The following PTPN4 variants were observed in gnomAD, a reference collection of about 807,000 sequenced individuals.
PTPN4 encodes protein tyrosine phosphatase non-receptor type 4, also known as tyrosine-protein phosphatase non-receptor type 4.
Under a neutral mutation model 135.5 loss-of-function variants are expected in PTPN4, and 49 were observed. The ratio of observed to expected loss-of-function variants is 0.36; its 90% confidence interval spans 0.29 to 0.46. The LOEUF (loss-of-function observed/expected upper bound fraction) is 0.46, where lower values mean the gene tolerates loss of function less well. PTPN4 is among the 20% of genes least tolerant of loss of function. The pLI, the probability that PTPN4 is intolerant of heterozygous loss-of-function variation, is 1.00. For missense variants in PTPN4, 860 were observed against 1,101.0 expected (o/e 0.78, Z 3.10); for synonymous variants, 333 against 369.9 (o/e 0.90, Z 1.14).
chr2:119,875,432 A>G (rs1677970263), intron 3 of PTPN4, among the ~76,000 whole-genome samples: 1 of 152,206 alleles, frequency 6.6e-6, no homozygotes, highest in Admixed American at 6.5e-5. Flanking sequence ...ACAAGCTTTC[A>G]ATAGATTAAT....
intron 19 of PTPN4, among the ~76,000 whole-genome samples, chr2:119,953,775 C>A (rs1490473227): frequency 6.6e-6 from 1 of 152,104 alleles, no homozygotes; most frequent in African/African-American, 2.4e-5. Context: ...CATTCTAGAG[C>A]TGAAGATACT....
Position 119,915,414 on chromosome 2 carries a change from T to C in PTPN4, c.828+172T>C, listed in dbSNP as rs545463493. 1.8e-5 allele frequency: 8 copies of C among 448,820 alleles called. No individual in the cohort carries two copies. The Admixed American group carries it at 3.4e-4, about 19-fold the overall frequency. 27.8% of individuals were successfully genotyped at this position (448,820 alleles called of 1,614,324 possible). ...TAACAAAATGTACTTGTTTTTCCAG[T>C]GTGTATGTGGTTCTAATTTAAAGTT... On this transcript the variant is annotated intron_variant, in intron 11 of 26. Coordinates refer to ENST00000263708, the MANE Select transcript of PTPN4 (RefSeq NM_002830.4).
chr2:119,975,803 A>G (rs1679607022), intron 26 of PTPN4, among the ~76,000 whole-genome samples: 1 of 152,030 alleles, frequency 6.6e-6, no homozygotes, highest in African/African-American at 2.4e-5. Flanking sequence ...GTTTTATGAT[A>G]TTGTCAATGC....
chr2:119,975,934 T>C (rs1679608770), intron 26 of PTPN4, among the ~76,000 whole-genome samples: 1 of 151,832 alleles, frequency 6.6e-6, no homozygotes, highest in African/African-American at 2.4e-5. Context: ...CCTGCTCCCA[T>C]TTCCCTCCAT....
chr2:119,887,594 T>G (rs1256341402), intron 9 of PTPN4, among the ~76,000 whole-genome samples: 1 of 152,260 alleles, frequency 6.6e-6, no homozygotes, highest in Admixed American at 6.5e-5. Context: ...CCTCTGTATG[T>G]GGCTATCTGA....
intron 1 of PTPN4, among the ~76,000 whole-genome samples, chr2:119,789,542 GT>G (rs1691103872): frequency 6.6e-6 from 1 of 152,068 alleles, no homozygotes; most frequent in Non-Finnish European, 1.5e-5. Flanking sequence ...TCTTCTAAGA[GT>G]TGTGTATGCA....
chr2:119,896,948 T>C (rs543042774), intron 9 of PTPN4, among the ~76,000 whole-genome samples: 9 of 152,252 alleles, frequency 5.9e-5, no homozygotes, highest in African/African-American at 1.9e-4. Flanking sequence ...TGAAACAGGG[T>C]CTCACTCTGT....
intron 10 of PTPN4, among the ~76,000 whole-genome samples, chr2:119,901,787 T>C (rs916720504): frequency 2.6e-5 from 4 of 152,112 alleles, no homozygotes; most frequent in Non-Finnish European, 4.4e-5. Flanking sequence ...GGAAACCTTA[T>C]GAGAAAGAAT....
intron 22 of PTPN4, 116 bp from the exon 23 acceptor site, chr2:119,960,691 G>A (rs1329564325): frequency 1.8e-5 from 15 of 846,016 alleles, no homozygotes; most frequent in African/African-American, 1.1e-4. Flanking sequence ...TTTTACTGAC[G>A]GCAGTTTATT....
At chr2:119,795,647 G>C (rs1235494977) in intron 1 of PTPN4, among the ~76,000 whole-genome samples, 2 of 152,224 alleles carry the variant, frequency 1.3e-5, no homozygotes, top group African/African-American at 2.4e-5. Flanking sequence ...TGAGGGCAAG[G>C]GGGGGCCTTC....
At chr2:119,967,549 C>T (rs1574425352) in intron 25 of PTPN4, among the ~76,000 whole-genome samples, 1 of 152,056 alleles carries the variant, frequency 6.6e-6, no homozygotes, top group African/African-American at 2.4e-5. Context: ...TAAGGAGTTG[C>T]TCCAGTAAGC....
chr2:119,969,460 G>C (rs115000020), intron 26 of PTPN4, among the ~76,000 whole-genome samples: 2,113 of 147,244 alleles, frequency 0.014, 50 homozygotes, highest in African/African-American at 0.05. Flanking sequence ...ATATCATTTT[G>C]TTCATATTTT....
intron 2 of PTPN4, among the ~76,000 whole-genome samples, chr2:119,858,545 T>G (rs920147303): frequency 1.3e-5 from 2 of 152,238 alleles, no homozygotes; most frequent in Non-Finnish European, 2.9e-5. Context: ...TCCTCATCTC[T>G]TAAATACTGG....
chr2:119,835,793 G>A (rs1677281580), intron 2 of PTPN4, among the ~76,000 whole-genome samples: 1 of 152,106 alleles, frequency 6.6e-6, no homozygotes, highest in Non-Finnish European at 1.5e-5. Flanking sequence ...GAACCGGCCG[G>A]GCATGGTGGC....
intron 26 of PTPN4, among the ~76,000 whole-genome samples, chr2:119,968,513 C>T (rs1679477156): frequency 6.6e-6 from 1 of 152,064 alleles, no homozygotes; most frequent in Non-Finnish European, 1.5e-5. Context: ...AGCGGCCGGG[C>T]GCGGTAGGTA....
intron 12 of PTPN4, among the ~76,000 whole-genome samples, chr2:119,920,830 T>C (rs1481441525): frequency 1.3e-5 from 2 of 152,228 alleles, no homozygotes; most frequent in Non-Finnish European, 2.9e-5. Flanking sequence ...TCTGATTAGT[T>C]TTACCTTTGG....
At position 119,885,819 on chromosome 2, in the gene PTPN4, A is replaced by G. The variant is rs767733787; in HGVS notation, c.612A>G (p.Glu204=). The change falls in exon 9 of 27, where the codon GAA becomes GAG. Residue 204 remains glutamate, a synonymous_variant. Transcript: ENST00000263708. ...GAGGCTTATCTCCTGCAGAAGCAGA[A>G]TTTAATTACCTAAACACAGCACGTA... ...QHIGLSPAEA[E]FNYLNTARTL... 5 of 1,602,208 alleles carry G rather than the reference A, an allele frequency of 3.1e-6. No individual in the cohort carries two copies. Among genetic ancestry groups the G allele is most frequent in the Non-Finnish European group, 4.3e-6 (5 of 1,175,366 alleles).
At chr2:119,972,341 T>G (rs1679549224) in intron 26 of PTPN4, among the ~76,000 whole-genome samples, 1 of 152,212 alleles carries the variant, frequency 6.6e-6, no homozygotes, top group Admixed American at 6.5e-5. Flanking sequence ...GTTTTCAGCA[T>G]GCAAGTCTTG....
At chr2:119,959,420 C>T (rs948538860) in intron 22 of PTPN4, among the ~76,000 whole-genome samples, 2 of 152,250 alleles carry the variant, frequency 1.3e-5, no homozygotes, top group Non-Finnish European at 1.5e-5. Context: ...TGTAGGTCCA[C>T]ATCCTTTATG....
Sources: gnomAD v4.1 joint callset for allele counts (sites outside exome capture counted in the v4.1 genomes callset) on GRCh38, gnomAD v4.1.1 for gene constraint, MANE v1.5 for transcripts, NCBI Gene and HGNC (gene_info 2026-07-23, HGNC 2026-07-21) for gene names.